Variants in AMPH observed in about 807,000 individuals in gnomAD.
AMPH encodes the protein amphiphysin (Stiff-Mann syndrome with breast cancer 128kD autoantigen).
Under a neutral mutation model 99.1 loss-of-function variants are expected in AMPH, and 49 were observed. The ratio of observed to expected loss-of-function variants is 0.49; its 90% confidence interval spans 0.39 to 0.63. AMPH has a LOEUF of 0.63. AMPH is among the 20% of genes least tolerant of loss of function. AMPH has a pLI of 0.00. For synonymous variants in AMPH, 314 were observed against 317.3 expected (o/e 0.99, Z 0.11); for missense variants, 759 against 863.4 (o/e 0.88, Z 1.52).
chr7:38,412,970 G>A (rs1425107482), intron 17 of AMPH, among the ~76,000 whole-genome samples: 1 of 152,170 alleles, frequency 6.6e-6, no homozygotes, highest in Non-Finnish European at 1.5e-5. Context: ...AGATCTAACA[G>A]GGACTGGGTC....
intron 5 of AMPH, among the ~76,000 whole-genome samples, chr7:38,484,877 T>C (rs1227130928): frequency 1.3e-5 from 2 of 151,970 alleles, no homozygotes; most frequent in African/African-American, 4.8e-5. Context: ...ATAGAGTTTT[T>C]ATAGGTGATT....
At chr7:38,500,889 T>C (rs546147266) in intron 3 of AMPH, among the ~76,000 whole-genome samples, 1 of 152,316 alleles carries the variant, frequency 6.6e-6, no homozygotes, top group South Asian at 2.1e-4. Context: ...ACATTGATAA[T>C]ATGGCTATGT....
intron 1 of AMPH, among the ~76,000 whole-genome samples, chr7:38,535,494 A>G (rs1790565103): frequency 6.6e-6 from 1 of 152,134 alleles, no homozygotes; most frequent in South Asian, 2.1e-4. Context: ...CAATTTTTCC[A>G]CTGACCAGAG....
chr7:38,545,193 C>T (rs1299793040), intron 1 of AMPH, among the ~76,000 whole-genome samples: 1 of 152,142 alleles, frequency 6.6e-6, no homozygotes, highest in Non-Finnish European at 1.5e-5. Context: ...GGTGGTTTCT[C>T]ACATTTGAGC....
intron 3 of AMPH, among the ~76,000 whole-genome samples, chr7:38,495,611 T>C (rs1478242043): frequency 2.0e-5 from 3 of 151,860 alleles, no homozygotes; most frequent in Non-Finnish European, 4.4e-5. Flanking sequence ...TTTTTTTTTT[T>C]TTTCTCATCA....
intron 5 of AMPH, among the ~76,000 whole-genome samples, chr7:38,482,392 T>C (rs144714752): frequency 6.6e-6 from 1 of 152,160 alleles, no homozygotes; most frequent in Non-Finnish European, 1.5e-5. Flanking sequence ...ACCTCAACCA[T>C]GGACCTCAAT....
At chr7:38,577,378 A>G (rs953055820) in intron 1 of AMPH, among the ~76,000 whole-genome samples, 1 of 152,088 alleles carries the variant, frequency 6.6e-6, no homozygotes, top group African/African-American at 2.4e-5. Flanking sequence ...GCTTCTCCAT[A>G]AGCAGATGCT....
At chr7:38,481,936 T>C (rs952060463) in intron 5 of AMPH, among the ~76,000 whole-genome samples, 3 of 152,144 alleles carry the variant, frequency 2.0e-5, no homozygotes, top group Non-Finnish European at 2.9e-5. Context: ...CTCAACACTA[T>C]TTTTATAAAG....
At chr7:38,609,173 T>C (rs1019197724) in intron 1 of AMPH, among the ~76,000 whole-genome samples, 1 of 151,996 alleles carries the variant, frequency 6.6e-6, no homozygotes, top group Admixed American at 6.5e-5. Context: ...CTCGGATAAA[T>C]AGGAACTGTT....
intron 1 of AMPH, among the ~76,000 whole-genome samples, chr7:38,562,642 TA>T (rs1791595407): frequency 6.6e-6 from 1 of 151,010 alleles, no homozygotes; most frequent in Non-Finnish European, 1.5e-5. Context: ...GGAATCATGA[TA>T]TGAGCACAAA....
intron 1 of AMPH, among the ~76,000 whole-genome samples, chr7:38,626,376 T>G (rs1794242423): frequency 6.6e-6 from 1 of 152,096 alleles, no homozygotes; most frequent in African/African-American, 2.4e-5. Flanking sequence ...AACAGAGACC[T>G]CAGAAATAAC....
intron 5 of AMPH, among the ~76,000 whole-genome samples, chr7:38,490,784 A>C (rs919565329): frequency 6.6e-6 from 1 of 152,168 alleles, no homozygotes; most frequent in African/African-American, 2.4e-5. Flanking sequence ...GCTCTGGTTT[A>C]TGATTTTATA....
chr7:38,411,036 T>A (rs1785201414), intron 17 of AMPH, among the ~76,000 whole-genome samples: 1 of 152,208 alleles, frequency 6.6e-6, no homozygotes, highest in African/African-American at 2.4e-5. Context: ...CTCCTCTTTT[T>A]AAAAGCATCT....
intron 1 of AMPH, among the ~76,000 whole-genome samples, chr7:38,620,544 TACATACACACAC>T (rs1436940435): frequency 2.7e-5 from 3 of 111,146 alleles, no homozygotes; most frequent in African/African-American, 3.4e-5. Context: ...TATATATACA[TACATACACACAC>T]ACACACACAC....
intron 10 of AMPH, among the ~76,000 whole-genome samples, chr7:38,461,821 A>G (rs1004722855): frequency 3.3e-5 from 5 of 152,246 alleles, no homozygotes; most frequent in Non-Finnish European, 7.3e-5. Context: ...GACCTACTAT[A>G]GGCAGCTTAC....
chr7:38,395,274 AG>A (rs1249252982), intron 17 of AMPH, among the ~76,000 whole-genome samples: 1 of 152,252 alleles, frequency 6.6e-6, no homozygotes, highest in African/African-American at 2.4e-5. Context: ...TCGAGAATGA[AG>A]GGGAAATCAT....
chr7:38,514,698 T>A (rs1789671213), intron 2 of AMPH, among the ~76,000 whole-genome samples: 1 of 152,230 alleles, frequency 6.6e-6, no homozygotes, highest in South Asian at 2.1e-4. Flanking sequence ...GCTTTCACCT[T>A]CTGTCCTTCT....
At chr7:38,591,433 G>A (rs191679371) in intron 1 of AMPH, among the ~76,000 whole-genome samples, 65 of 151,888 alleles carry the variant, frequency 4.3e-4, no homozygotes, top group African/African-American at 9.7e-4. Context: ...AATTCCAGGC[G>A]TGCGCCACCA....
Position 38,394,709 on chromosome 7 carries a change from C to T in AMPH, c.1399-495G>A, listed in dbSNP as rs573568818. ...CACAGGGCTGTAATTTCACACACTT[C>T]CTTCATCTTATGTAACATGCAGAAC... On this transcript the variant is annotated intron_variant, in intron 17 of 20. Transcript: ENST00000356264. 3.8e-4 allele frequency among the ~76,000 whole-genome samples: 58 copies of T among 152,304 alleles called. No individual in the cohort carries two copies. In the South Asian group the frequency reaches 5.4e-3, roughly 14 times the overall value.
Sources: gnomAD v4.1 joint callset for allele counts (sites outside exome capture counted in the v4.1 genomes callset) on GRCh38, gnomAD v4.1.1 for gene constraint, MANE v1.5 for transcripts, NCBI Gene and HGNC (gene_info 2026-07-23, HGNC 2026-07-21) for gene names.